The following SPECC1 variants were observed in gnomAD, a reference collection of about 807,000 sequenced individuals.
The protein encoded by SPECC1 is cytospin-B.
A neutral mutation model predicts 104.1 loss-of-function variants in SPECC1; 62 were observed. That is an observed-to-expected ratio of 0.60 (90% CI 0.49 to 0.74). SPECC1 has a LOEUF of 0.74. Ranked by LOEUF, SPECC1 falls within the 30% of genes least tolerant of loss-of-function variation. The probability of loss-of-function intolerance (pLI) is 0.00; values close to 1 mark genes in which losing one functional copy is unlikely to be tolerated. For missense variants in SPECC1, 1,306 were observed against 1,310.5 expected (o/e 1.00, Z 0.05); for synonymous variants, 513 against 501.6 (o/e 1.02, Z -0.30).
At chr17:20,238,334 T>C (rs1480054403) in intron 7 of SPECC1, 66 of 1,039,328 alleles carry the variant, frequency 6.4e-5, no homozygotes, top group Non-Finnish European at 7.5e-5. Flanking sequence ...AAAATGTGAT[T>C]TTAAACTTCT....
At chr17:20,017,723 C>G (rs1381724637) in intron 1 of SPECC1, 1 of 152,200 alleles carries the variant, frequency 6.6e-6, no homozygotes, top group African/African-American at 2.4e-5. Context: ...TAGCATTATT[C>G]TCTATCTGGT....
rs573712409 is a variant in SPECC1, at chr17:20,318,033, G to C, written c.*3968G>C. ...CATCTTATTTTTTCTATACTCAGCA[G>C]AGTGTGCCATTCCCAGTTTCTGTCC... is the stretch of plus-strand genomic sequence containing the variant. On this transcript the variant is annotated 3_prime_UTR_variant, in exon 15 of 15. Transcript: ENST00000395527. 90 of 230,412 alleles carry C rather than the reference G, an allele frequency of 3.9e-4. No homozygotes were observed. The highest frequency in any genetic ancestry group is 2.0e-3 in the African/African-American group (89 of 45,276). The allele number at this position is 230,412 out of a possible 1,614,324, so 14.3% of individuals were successfully genotyped here.
At chr17:20,070,375 T>C (rs1472120621) in intron 1 of SPECC1, among the ~76,000 whole-genome samples, 1 of 152,190 alleles carries the variant, frequency 6.6e-6, no homozygotes, top group Non-Finnish European at 1.5e-5. Context: ...GATGATCATG[T>C]GGTTTTGTCC....
chr17:20,269,490 A>T (rs2040326681), intron 12 of SPECC1, among the ~76,000 whole-genome samples: 1 of 152,166 alleles, frequency 6.6e-6, no homozygotes, highest in African/African-American at 2.4e-5. Flanking sequence ...CAATGGCACC[A>T]TCTCGGCTCA....
intron 4 of SPECC1, among the ~76,000 whole-genome samples, chr17:20,213,999 T>C (rs1012258417): frequency 6.6e-6 from 1 of 152,212 alleles, no homozygotes; most frequent in Non-Finnish European, 1.5e-5. Context: ...AGAACATTTT[T>C]ATCACCCCGT....
At chr17:20,135,926 T>A (rs1191396787) in intron 3 of SPECC1, among the ~76,000 whole-genome samples, 8 of 152,336 alleles carry the variant, frequency 5.3e-5, no homozygotes, top group South Asian at 4.1e-4. Context: ...ACATCCTGGC[T>A]GTGTGACCTT....
chr17:20,106,238 G>A (rs558716201), intron 2 of SPECC1, among the ~76,000 whole-genome samples: 2 of 152,332 alleles, frequency 1.3e-5, no homozygotes, highest in South Asian at 2.1e-4. Context: ...CTTCTTGGAA[G>A]AGTGAGTAAT....
At chr17:20,313,918 G>T in intron 14 of SPECC1, 58 bp from the exon 15 acceptor site, 1 of 1,530,368 alleles carries the variant, frequency 6.5e-7, no homozygotes, top group East Asian at 2.3e-5. Flanking sequence ...AGTCCTTGAG[G>T]GGAAGGGGTC....
intron 5 of SPECC1, among the ~76,000 whole-genome samples, 177 bp downstream of exon 5, chr17:20,227,797 C>A (rs1373263889): frequency 6.6e-6 from 1 of 152,218 alleles, no homozygotes; most frequent in East Asian, 1.9e-4. Flanking sequence ...CGCCTGTAAT[C>A]CCAGCTACTC....
At chr17:20,238,958 AT>A in intron 7 of SPECC1, 4 of 1,039,788 alleles carry the variant, frequency 3.8e-6, no homozygotes, top group Non-Finnish European at 4.6e-6. Context: ...TTTGTTCTAC[AT>A]TTTTTTCTGA....
chr17:20,311,861 T>G (rs2041942875), intron 14 of SPECC1, among the ~76,000 whole-genome samples: 1 of 152,242 alleles, frequency 6.6e-6, no homozygotes, highest in African/African-American at 2.4e-5. Flanking sequence ...CTATAAAAAC[T>G]ATCTTGATTG....
intron 12 of SPECC1, among the ~76,000 whole-genome samples, chr17:20,284,010 C>G (rs2040861861): frequency 6.6e-6 from 1 of 152,176 alleles, no homozygotes; most frequent in Admixed American, 6.5e-5. Flanking sequence ...TTCCTTTATA[C>G]TTTTTGCATT....
chr17:20,246,032 G>A lies in SPECC1; in HGVS notation c.2458G>A (p.Val820Ile), dbSNP rs1043543416. The change falls in exon 8 of 15, where the codon GTT (valine) becomes ATT (isoleucine). Residue 820 changes from valine (V) to isoleucine (I), a missense_variant. Physicochemically the swap from Val to Ile is conservative, Grantham distance 29 (BLOSUM62 3). This residue lies in a region of SPECC1 where 1,177 missense variants were observed against 1,139.9 expected (regional missense o/e 1.03). Coordinates refer to ENST00000395527, the MANE Select transcript of SPECC1 (RefSeq NM_001243439.2). ...SPTPPESATT[V>I]KSLIKSFDLG... ...AACACCCCCAGAGTCGGCAACCACC[G>A]TTAAGTCACTTATCAAGTCATTTGA... The A allele has an allele frequency of 8.7e-6, 14 of 1,614,042 alleles. No homozygotes were observed. The highest frequency in any genetic ancestry group is 5.5e-5 in the South Asian group (5 of 91,074).
At chr17:20,022,584 G>T (rs529830358) in intron 1 of SPECC1, among the ~76,000 whole-genome samples, 1 of 152,258 alleles carries the variant, frequency 6.6e-6, no homozygotes, top group Admixed American at 6.5e-5. Context: ...TAGTAATCAA[G>T]ATATTTCACA....
At chr17:20,087,711 G>T (rs1264225874) in intron 1 of SPECC1, among the ~76,000 whole-genome samples, 4 of 152,200 alleles carry the variant, frequency 2.6e-5, no homozygotes, top group Non-Finnish European at 5.9e-5. Flanking sequence ...GTGAACAAGG[G>T]AGGTAAAGGC....
At chr17:20,304,337 AACAT>A (rs2041691829) in intron 13 of SPECC1, among the ~76,000 whole-genome samples, 1 of 120,134 alleles carries the variant, frequency 8.3e-6, no homozygotes, top group South Asian at 3.8e-4. Flanking sequence ...TATGTAGAGA[AACAT>A]TTATATCTCA....
chr17:20,120,895 A>G (rs2048995258), intron 3 of SPECC1, among the ~76,000 whole-genome samples: 1 of 152,178 alleles, frequency 6.6e-6, no homozygotes, highest in South Asian at 2.1e-4. Flanking sequence ...TAATAATTAT[A>G]TTATTGTCTC....
At chr17:20,199,400 T>C (rs2036264782) in intron 3 of SPECC1, among the ~76,000 whole-genome samples, 1 of 144,498 alleles carries the variant, frequency 6.9e-6, no homozygotes, top group African/African-American at 2.6e-5. Context: ...TTTTTTTTTT[T>C]TTTTTTTTTT....
chr17:20,085,790 A>G (rs901438205), intron 1 of SPECC1, among the ~76,000 whole-genome samples: 4 of 149,354 alleles, frequency 2.7e-5, no homozygotes, highest in African/African-American at 9.9e-5. Flanking sequence ...GCTCTGAGCA[A>G]TGGCGGACTC....
Sources: allele counts gnomAD v4.1 joint callset (sites outside exome capture counted in the v4.1 genomes callset), GRCh38; gene constraint gnomAD v4.1.1; regional missense constraint gnomAD v4.1.1; transcripts MANE v1.5; gene names NCBI Gene and HGNC (gene_info 2026-07-23, HGNC 2026-07-21).